PRDM2: variants seen among roughly 807,000 people sequenced by gnomAD.
PRDM2 encodes the protein PR/SET domain 2, also known as PR domain zinc finger protein 2.
PRDM2 carries 30 observed loss-of-function variants against 130.0 expected under a neutral mutation model. The observed-to-expected ratio is 0.23, with a 90% CI of 0.17 to 0.31. The LOEUF is 0.31. PRDM2 is among the 10% of genes least tolerant of loss of function. The pLI is 1.00. For synonymous variants in PRDM2, 871 were observed against 782.4 expected (o/e 1.11, Z -1.89); for missense variants, 2,011 against 2,108.4 (o/e 0.95, Z 0.90).
intron 8 of PRDM2, among the ~76,000 whole-genome samples, chr1:13,788,684 C>T (rs1644790503): frequency 6.6e-6 from 1 of 152,110 alleles, no homozygotes; most frequent in Admixed American, 6.6e-5. Flanking sequence ...TGGAACTGGT[C>T]TTCGATATTA....
At chr1:13,823,076 T>A (rs2100779691) in intron 9 of PRDM2, 83 bp from the exon 10 acceptor site, 1 of 1,329,524 alleles carries the variant, frequency 7.5e-7, no homozygotes, top group East Asian at 2.5e-5. Flanking sequence ...GTTACAAAAT[T>A]AAGTGCAATA....
chr1:13,768,589 G>A (rs1056979161), intron 6 of PRDM2, among the ~76,000 whole-genome samples: 7 of 151,608 alleles, frequency 4.6e-5, no homozygotes, highest in Non-Finnish European at 7.4e-5. Flanking sequence ...CCACCATGTT[G>A]GCCAGGCTGG....
At position 13,779,197 on chromosome 1, in the gene PRDM2, A is replaced by G. The variant is rs766863525; in HGVS notation, c.1402A>G (p.Ile468Val). 7.4e-6 allele frequency: 12 copies of G among 1,614,086 alleles called. No individual in the cohort carries two copies. The highest frequency in any genetic ancestry group is 1.3e-5 in the African/African-American group (1 of 74,936). ...TTCAGAGAAGGCTTCCCAAGACACAATAAATTCTTCTGTCGTAGAAGAGAA... is the reference window on the plus strand; with the variant it reads ...TTCAGAGAAGGCTTCCCAAGACACAGTAAATTCTTCTGTCGTAGAAGAGAA... ...MNSEKASQDT[I>V]NSSVVEENGE... The change falls in exon 8 of 10, where the codon ATA becomes GTA. Residue 468 changes from isoleucine to valine, a missense_variant. By Grantham distance (29) the Ile-to-Val change is conservative (BLOSUM62 3). This residue lies in a region of PRDM2 where 1,288 missense variants were observed against 1,237.7 expected (regional missense o/e 1.04). Coordinates refer to ENST00000311066, the MANE Select transcript of PRDM2 (RefSeq NM_001393986.1). The surrounding 1 kb of genome is among the most constrained non-coding windows in gnomAD (Gnocchi z 4.9).
chr1:13,805,577 A>G (rs551710113), intron 8 of PRDM2, among the ~76,000 whole-genome samples: 63 of 152,246 alleles, frequency 4.1e-4, no homozygotes, highest in African/African-American at 1.4e-3. Context: ...GAATATCAGC[A>G]TCATCACAGG....
At chr1:13,762,012 A>G (rs947755372) in intron 6 of PRDM2, among the ~76,000 whole-genome samples, 1 of 152,248 alleles carries the variant, frequency 6.6e-6, no homozygotes, top group Non-Finnish European at 1.5e-5. Context: ...CATTGTCTTC[A>G]TATGAAGGAA....
chr1:13,752,529 G>C (rs1456004950), intron 6 of PRDM2, among the ~76,000 whole-genome samples: 1 of 152,164 alleles, frequency 6.6e-6, no homozygotes, highest in Non-Finnish European at 1.5e-5. Flanking sequence ...AAATTTAGAA[G>C]TATTTCTCAT....
At chr1:13,815,659 CGAAAG>C (rs2100766136) in intron 8 of PRDM2, among the ~76,000 whole-genome samples, 2 of 152,198 alleles carry the variant, frequency 1.3e-5, no homozygotes, top group South Asian at 4.1e-4. Context: ...AGCTGAGTGA[CGAAAG>C]GAGAGGACTA....
chr1:13,807,350 C>A (rs1025433686), intron 8 of PRDM2, among the ~76,000 whole-genome samples: 1 of 152,246 alleles, frequency 6.6e-6, no homozygotes, highest in African/African-American at 2.4e-5. Flanking sequence ...TGCCAGCCAG[C>A]GGCTGGGGTG....
intron 1 of PRDM2, chr1:13,705,433 A>G (rs944709108): frequency 6.6e-6 from 1 of 151,350 alleles, no homozygotes; most frequent in Admixed American, 6.6e-5. Flanking sequence ...CCTTCCCTCC[A>G]CTCTTACAGA....
chr1:13,823,667 C>G lies in PRDM2; in HGVS notation c.*532C>G, dbSNP rs759281452. ...TCTGGGAATCAACAGCATATTGACA[C>G]GTTGGAGCCGAGCCTGAACATGCCC... is the stretch of plus-strand genomic sequence containing the variant. On this transcript the variant is annotated 3_prime_UTR_variant, in exon 10 of 10. Coordinates refer to ENST00000311066, the MANE Select transcript of PRDM2 (RefSeq NM_001393986.1). 1 of 157,198 alleles carries G rather than the reference C, an allele frequency of 6.4e-6. No individual in the cohort carries two copies. The highest frequency in any genetic ancestry group is 2.4e-5 in the African/African-American group (1 of 41,548). The allele number at this position is 157,198 out of a possible 1,614,324, so 9.7% of individuals were successfully genotyped here. A position where few individuals can be genotyped will look rare whatever the true frequency, so the allele number is the denominator to read the frequency against.
chr1:13,720,972 G>A (rs1642708720), intron 2 of PRDM2, among the ~76,000 whole-genome samples: 1 of 152,172 alleles, frequency 6.6e-6, no homozygotes, highest in Non-Finnish European at 1.5e-5. Context: ...CGAGTCATAG[G>A]ACATGTCTGT....
At chr1:13,787,675 G>T in intron 8 of PRDM2, 2 of 980,492 alleles carry the variant, frequency 2.0e-6, no homozygotes, top group Non-Finnish European at 1.2e-6. Context: ...TGTTTTGGAC[G>T]CTTCAATTGT....
intron 6 of PRDM2, among the ~76,000 whole-genome samples, chr1:13,767,077 C>T (rs1644244409): frequency 6.6e-6 from 1 of 152,136 alleles, no homozygotes; most frequent in African/African-American, 2.4e-5. Flanking sequence ...TAATGCTATA[C>T]ATAGTCTTAG....
chr1:13,800,077 A>T (rs1644983548), intron 8 of PRDM2, among the ~76,000 whole-genome samples: 1 of 151,874 alleles, frequency 6.6e-6, no homozygotes, highest in Non-Finnish European at 1.5e-5. Flanking sequence ...TCATTCATTC[A>T]TTCATTCATT....
Position 13,803,182 on chromosome 1 carries a change from G to A in PRDM2, c.5037-13245G>A, listed in dbSNP as rs1557669988. On this transcript the variant is annotated intron_variant, in intron 8 of 9. Transcript: ENST00000311066. The surrounding 1 kb of genome is among the most constrained non-coding windows in gnomAD (Gnocchi z 6.2). ...GGGGACCTTGTCCCCTGGTTTGGGC[G>A]GGACCTTGGCAATGAGAGAAACCGT... Among the ~76,000 whole-genome samples, 5 of 152,314 alleles carry A rather than the reference G, an allele frequency of 3.3e-5. No individual in the cohort carries two copies. The highest frequency in any genetic ancestry group is 1.9e-4 in the East Asian group (1 of 5,182).
intron 7 of PRDM2, among the ~76,000 whole-genome samples, chr1:13,774,169 A>G (rs1199756220): frequency 6.6e-6 from 1 of 152,250 alleles, no homozygotes; most frequent in Non-Finnish European, 1.5e-5. Context: ...ATGGATTGAA[A>G]GTTAATCAGA....
At chr1:13,742,929 A>C (rs577497148) in intron 5 of PRDM2, among the ~76,000 whole-genome samples, 8 of 152,078 alleles carry the variant, frequency 5.3e-5, no homozygotes, top group African/African-American at 1.9e-4. Context: ...CTTTCTGCCA[A>C]ATTTTTCTTT....
At chr1:13,741,944 G>T (rs1292675663) in intron 4 of PRDM2, 61 bp from the exon 5 acceptor site, 50 of 1,303,456 alleles carry the variant, frequency 3.8e-5, no homozygotes, top group African/African-American at 1.1e-4. Flanking sequence ...AGTTAAAAAT[G>T]GAGGCATTTT....
Position 13,723,640 on chromosome 1 carries a change from G to T in PRDM2, c.10-7360G>T, listed in dbSNP as rs145708563. Among the ~76,000 whole-genome samples, 330 of 152,294 alleles carry T rather than the reference G, an allele frequency of 2.2e-3. 3 individuals are homozygous for T. The highest frequency in any genetic ancestry group is 7.6e-3 in the African/African-American group (314 of 41,560). On this transcript the variant is annotated intron_variant, in intron 2 of 9. Transcript: ENST00000311066. Reference sequence around the variant, plus strand: ...TGACTTCTAGGACTGGGACTCATTTGCTGTGCTTCTTCTTCCGTTTCATTC... The same window carrying T: ...TGACTTCTAGGACTGGGACTCATTTTCTGTGCTTCTTCTTCCGTTTCATTC...
Sources: allele counts gnomAD v4.1 joint callset (sites outside exome capture counted in the v4.1 genomes callset), GRCh38; gene constraint gnomAD v4.1.1; regional missense constraint gnomAD v4.1.1; non-coding constraint Gnocchi (gnomAD v3.1); transcripts MANE v1.5; gene names NCBI Gene and HGNC (gene_info 2026-07-23, HGNC 2026-07-21).